The following ATAD2B variants were observed in gnomAD, a reference collection of about 807,000 sequenced individuals.
The protein encoded by ATAD2B is ATPase family AAA domain containing 2B.
In ATAD2B, 40 loss-of-function variants were observed where a neutral mutation model predicts 167.6. That is an observed-to-expected ratio of 0.24 (90% confidence interval 0.19 to 0.31). The LOEUF (loss-of-function observed/expected upper bound fraction) is 0.31. Ranked by LOEUF, ATAD2B falls within the 10% of genes least tolerant of loss-of-function variation. The probability of loss-of-function intolerance (pLI) is 1.00; values close to 1 mark genes in which losing one functional copy is unlikely to be tolerated. For missense variants in ATAD2B, 1,242 were observed against 1,757.2 expected (o/e 0.71, Z 5.24); for synonymous variants, 579 against 596.5 (o/e 0.97, Z 0.43).
intron 23 of ATAD2B, among the ~76,000 whole-genome samples, chr2:23,764,572 A>T (rs1677158814): frequency 6.6e-6 from 1 of 152,188 alleles, no homozygotes; most frequent in Non-Finnish European, 1.5e-5. Flanking sequence ...CAGAGATATA[A>T]ACAAGACATT....
chr2:23,900,232 A>G (rs1700659373), intron 1 of ATAD2B, among the ~76,000 whole-genome samples: 1 of 150,928 alleles, frequency 6.6e-6, no homozygotes, highest in African/African-American at 2.4e-5. Flanking sequence ...TTTTTATTTT[A>G]TATTTTTATT....
At chr2:23,839,502 T>TG (rs1324997348) in intron 13 of ATAD2B, among the ~76,000 whole-genome samples, 2 of 152,140 alleles carry the variant, frequency 1.3e-5, no homozygotes, top group African/African-American at 4.8e-5. Context: ...GTGATCATCT[T>TG]GATTTTTCTC....
chr2:23,891,993 C>G (rs1466650734), intron 2 of ATAD2B, among the ~76,000 whole-genome samples: 3 of 152,102 alleles, frequency 2.0e-5, no homozygotes, highest in Non-Finnish European at 4.4e-5. Context: ...AACCTCAATT[C>G]AAAAAAGCCC....
At chr2:23,811,335 T>C (rs1685555147) in intron 17 of ATAD2B, 2 of 152,210 alleles carry the variant, frequency 1.3e-5, no homozygotes, top group Admixed American at 6.5e-5. Context: ...ATAATAAAAC[T>C]AGCTAGTCCC....
rs199842019 is a variant in ATAD2B at position 23,769,711 on chromosome 2, G to GATTTTT, written c.3134-4084_3134-4083insAAAAAT. On this transcript the variant is annotated intron_variant, in intron 22 of 27. Transcript: ENST00000238789. Reference sequence around the variant, plus strand: ...AAGTGTTTAATGGTGTCTCACTGTGGGTTTTTTTTTTTTTTTTTTTTTGAG... The same window carrying GATTTTT: ...AAGTGTTTAATGGTGTCTCACTGTGGATTTTTGTTTTTTTTTTTTTTTTTTTTTGAG... Among the ~76,000 whole-genome samples, 9 of 129,836 alleles carry GATTTTT rather than the reference G, an allele frequency of 6.9e-5. 1 individual carries two copies. The highest frequency in any genetic ancestry group is 8.3e-5 in the Non-Finnish European group (5 of 60,084). The allele number at this position is 129,836 out of a possible 152,430, so 85.2% of individuals were successfully genotyped here. A position where few individuals can be genotyped will look rare whatever the true frequency, so the allele number is the denominator to read the frequency against.
At chr2:23,909,650 G>A (rs1368892785) in intron 1 of ATAD2B, among the ~76,000 whole-genome samples, 2 of 152,080 alleles carry the variant, frequency 1.3e-5, no homozygotes, top group East Asian at 3.9e-4. Flanking sequence ...TTATCCCTCG[G>A]AAGAACAAAC....
chr2:23,727,057 A>T, the ATAD2B span, among the ~76,000 whole-genome samples: 5 of 152,338 alleles, frequency 3.3e-5, 1 homozygote, highest in Non-Finnish European at 5.9e-5. Context: ...AAACCAAAGA[A>T]GATCAAGGTT....
intron 22 of ATAD2B, among the ~76,000 whole-genome samples, chr2:23,779,075 G>C (rs955041251): frequency 6.6e-6 from 1 of 152,012 alleles, no homozygotes; most frequent in Admixed American, 6.6e-5. Context: ...TCCTGTTACA[G>C]GATGGCATCC....
At position 23,786,194 on chromosome 2, in the gene ATAD2B, CAAGAGG is replaced by C; in HGVS notation, c.2800_2805del (p.Pro934_Leu935del). 1 of 1,586,158 alleles carries C rather than the reference CAAGAGG, an allele frequency of 6.3e-7. No homozygotes were observed. Among genetic ancestry groups the C allele is most frequent in the Non-Finnish European group, 8.6e-7 (1 of 1,165,464 alleles). The stretch of plus-strand genomic sequence containing the variant: ...AATTGACGAGGTGGAGAAGGTAGTG[CAAGAGG>C]AAGCACTTCCATAGCACAAAGAGCT... On this transcript the variant is annotated inframe_deletion, in exon 21 of 28. Coordinates refer to ENST00000238789, the MANE Select transcript of ATAD2B (RefSeq NM_017552.4).
downstream of ATAD2B, chr2:23,748,532 G>C (rs1478643950): frequency 6.6e-6 from 1 of 152,096 alleles, no homozygotes; most frequent in East Asian, 1.9e-4. Flanking sequence ...AAATCTAAAA[G>C]GAACATATAA....
At chr2:23,783,369 A>C (rs1388514931) in intron 21 of ATAD2B, among the ~76,000 whole-genome samples, 1 of 151,398 alleles carries the variant, frequency 6.6e-6, no homozygotes, top group Non-Finnish European at 1.5e-5. Flanking sequence ...AATAAATATG[A>C]CTTCAGGAAA....
Position 23,909,467 on chromosome 2 carries a change from T to C in ATAD2B, c.217-13497A>G, listed in dbSNP as rs199889829. The stretch of plus-strand genomic sequence containing the variant: ...ATATATATATACACACACACACACA[T>C]ACATATATATATACATACATACATA... On this transcript the variant is annotated intron_variant, in intron 1 of 27. Transcript: ENST00000238789. Among the ~76,000 whole-genome samples, 306 of 150,780 alleles carry C rather than the reference T, an allele frequency of 2.0e-3. 2 individuals are homozygous for C. The highest frequency in any genetic ancestry group is 6.1e-3 in the African/African-American group (251 of 40,890).
At chr2:23,788,328 G>T (rs1399185674) in intron 20 of ATAD2B, 184 bp downstream of exon 20, 3 of 623,288 alleles carry the variant, frequency 4.8e-6, no homozygotes, top group Non-Finnish European at 8.2e-6. Flanking sequence ...CTTTAACAAG[G>T]CTATACTTCC....
intron 1 of ATAD2B, among the ~76,000 whole-genome samples, chr2:23,909,451 T>TATATAC (rs1553456325): frequency 1.3e-5 from 2 of 149,074 alleles, no homozygotes; most frequent in Admixed American, 1.3e-4. Flanking sequence ...TATATATATA[T>TATATAC]ACACACACAC....
At chr2:23,884,261 A>T (rs941164139) in intron 6 of ATAD2B, among the ~76,000 whole-genome samples, 2 of 152,208 alleles carry the variant, frequency 1.3e-5, no homozygotes, top group African/African-American at 4.8e-5. Flanking sequence ...CTACAAGGTC[A>T]GTCTGGGTTC....
intron 20 of ATAD2B, 192 bp downstream of exon 20, chr2:23,788,320 T>C (rs2149414472): frequency 1.7e-6 from 1 of 579,204 alleles, no homozygotes; most frequent in East Asian, 2.8e-5. Context: ...TAGCAAAGCT[T>C]TAACAAGGCT....
chr2:23,913,402 G>A (rs918921015), intron 1 of ATAD2B, among the ~76,000 whole-genome samples: 5 of 152,208 alleles, frequency 3.3e-5, no homozygotes, highest in East Asian at 1.9e-4. Flanking sequence ...CACTTTGGGA[G>A]GCCAAGGCGG....
chr2:23,711,342 C>CTTTTTTTTTTTTTTTTTTTTTTTTTT, the ATAD2B span, among the ~76,000 whole-genome samples: 2 of 79,784 alleles, frequency 2.5e-5, no homozygotes, highest in African/African-American at 4.9e-5. Flanking sequence ...GAATTTCTTT[C>CTTTTTTTTTTTTTTTTTTTTTTTTTT]TTTTTTTTTT....
chr2:23,870,937 T>C, intron 8 of ATAD2B, among the ~76,000 whole-genome samples: 1 of 152,140 alleles, frequency 6.6e-6, no homozygotes, highest in Non-Finnish European at 1.5e-5. Context: ...TGCCAGATTA[T>C]TAGTATAACT....
Sources: allele counts gnomAD v4.1 joint callset (sites outside exome capture counted in the v4.1 genomes callset), GRCh38; gene constraint gnomAD v4.1.1; transcripts MANE v1.5; gene names NCBI Gene and HGNC (gene_info 2026-07-23, HGNC 2026-07-21).